Variants in PAX9 observed in about 807,000 individuals in gnomAD.
PAX9 encodes paired box protein Pax-9.
Under a neutral mutation model 29.1 loss-of-function variants are expected in PAX9, and 6 were observed. The observed-to-expected ratio is 0.21, with a 90% CI of 0.11 to 0.41. The LOEUF is 0.41. PAX9 is among the 10% of genes least tolerant of loss of function. The probability of loss-of-function intolerance (pLI) is 1.00; values close to 1 mark genes in which losing one functional copy is unlikely to be tolerated. For synonymous variants in PAX9, 217 were observed against 211.7 expected (o/e 1.03, Z -0.22); for missense variants, 443 against 479.1 (o/e 0.92, Z 0.70).
chr14:36,665,713 A>AT (rs936280310), intron 2 of PAX9, among the ~76,000 whole-genome samples: 4 of 152,012 alleles, frequency 2.6e-5, no homozygotes, highest in African/African-American at 9.7e-5. Flanking sequence ...TTGTATATAC[A>AT]TTTTTTAAAC....
upstream of PAX9, among the ~76,000 whole-genome samples, chr14:36,659,696 T>C (rs1881184359): frequency 6.6e-6 from 1 of 152,154 alleles, no homozygotes; most frequent in African/African-American, 2.4e-5. Flanking sequence ...TGAGGCCACA[T>C]GGTCACAGCC....
At chr14:36,666,638 G>A in intron 3 of PAX9, 37 bp downstream of exon 3, 1 of 1,553,070 alleles carries the variant, frequency 6.4e-7, no homozygotes. Flanking sequence ...GGGCCGCGTG[G>A]CGGCGGGGAT....
intron 3 of PAX9, 69 bp downstream of exon 3, chr14:36,666,670 G>T: frequency 6.5e-7 from 1 of 1,528,834 alleles, no homozygotes; most frequent in South Asian, 1.2e-5. Flanking sequence ...AACACTTTGT[G>T]ATGGGTCCCT....
In PAX9 at chr14:36,676,112, A is replaced by C. The variant is rs772311678; in HGVS notation, c.772-86A>C. The C allele has an allele frequency of 2.1e-6, 3 of 1,447,894 alleles. No individual in the cohort carries two copies. The Admixed American group carries it at 5.2e-5, about 25-fold the overall frequency. The allele number at this position is 1,447,894 out of a possible 1,614,324, so 89.7% of individuals were successfully genotyped here. A position where few individuals can be genotyped will look rare whatever the true frequency, so the allele number is the denominator to read the frequency against. ...GTCAGAGCATTGCTGGCTTACTCAG[A>C]CTTAAGTTCTGCTTCTTTCTAAGAA... On this transcript the variant is annotated intron_variant, in intron 3 of 3. Coordinates refer to ENST00000361487, the MANE Select transcript of PAX9 (RefSeq NM_001372076.1).
chr14:36,666,828 A>T (rs1055607493), intron 3 of PAX9, among the ~76,000 whole-genome samples: 1 of 152,180 alleles, frequency 6.6e-6, no homozygotes, highest in Non-Finnish European at 1.5e-5. Flanking sequence ...AGCGCTCGTC[A>T]GGGCGCTGGG....
chr14:36,676,732 C>A lies in PAX9; in HGVS notation c.*280C>A. On this transcript the variant is annotated 3_prime_UTR_variant, in exon 4 of 4. Coordinates refer to ENST00000361487, the MANE Select transcript of PAX9 (RefSeq NM_001372076.1). ...TTGCCCACATACTGTCTTAACATAA[C>A]AAAGAAACCTACACCCCTCAAAGGG... 2.1e-6 allele frequency: 1 copy of A among 477,376 alleles called. No homozygotes were observed. The highest frequency in any genetic ancestry group is 3.8e-6 in the Non-Finnish European group (1 of 260,490). The allele number at this position is 477,376 out of a possible 1,614,324, so 29.6% of individuals were successfully genotyped here.
chr14:36,669,964 A>C (rs1881644538), intron 3 of PAX9, among the ~76,000 whole-genome samples: 1 of 152,022 alleles, frequency 6.6e-6, no homozygotes, highest in South Asian at 2.1e-4. Flanking sequence ...CTGCTTCCTG[A>C]TGGCCGGTTC....
intron 3 of PAX9, among the ~76,000 whole-genome samples, chr14:36,674,690 T>C (rs1172035817): frequency 1.3e-5 from 2 of 152,232 alleles, no homozygotes; most frequent in South Asian, 2.1e-4. Context: ...ATATGTTGGA[T>C]ATTTCTTGGT....
Position 36,663,318 on chromosome 14 carries a change from A to T in PAX9, c.426A>T (p.Ser142=). The T allele has an allele frequency of 6.2e-7, 1 of 1,614,140 alleles. No homozygotes were observed. Among genetic ancestry groups the T allele is most frequent in the Non-Finnish European group, 8.5e-7 (1 of 1,180,032 alleles). ...TGGCCCAGCAGGGTCATTACGACTC[A>T]TACAAGCAGCACCAGCCGACGCCGC... ...GNLAQQGHYD[S]YKQHQPTPQP... Residue 142 remains serine (S), a synonymous_variant, in exon 2 of 4, where the codon TCA becomes TCT. Transcript: ENST00000361487.
In PAX9 at chr14:36,662,856, A is replaced by G. The variant is rs12883049; in HGVS notation, c.5-41A>G. On this transcript the variant is annotated intron_variant, in intron 1 of 3. Transcript: ENST00000361487. The stretch of plus-strand genomic sequence containing the variant: ...CCAGTGGCAGGCAGCTGTCCCAAGC[A>G]GCGGGTGCGCGTCCCTGCGCGCTGT... 0.24 allele frequency: 373,907 copies of G among 1,580,606 alleles called. 45,876 individuals are homozygous for G. The highest frequency in any genetic ancestry group is 0.27 in the East Asian group (12,107 of 44,230).
rs544392585 is a variant in PAX9, at chr14:36,662,668, C to T, written c.5-229C>T. ...CCCGGCATCTCACCACTTTACTTGG[C>T]CGTAGGGGCCTCCGGCACGGCAGGA... On this transcript the variant is annotated intron_variant, in intron 1 of 3. Transcript: ENST00000361487. 6.6e-4 allele frequency: 388 copies of T among 591,700 alleles called. 2 individuals are homozygous for T. Among genetic ancestry groups the T allele is most frequent in the South Asian group, 3.0e-3 (140 of 46,202 alleles). The allele number at this position is 591,700 out of a possible 1,614,324, so 36.7% of individuals were successfully genotyped here.
chr14:36,657,775 T>C (rs924703040), upstream of PAX9: 10 of 152,202 alleles, frequency 6.6e-5, no homozygotes, highest in East Asian at 1.6e-3. Flanking sequence ...GGCTCCTTGA[T>C]GAGAAGGTGG....
In PAX9 at chr14:36,678,835, T is replaced by A. The variant is rs186781523; in HGVS notation, c.*2383T>A. On this transcript the variant is annotated 3_prime_UTR_variant, in exon 4 of 4. Transcript: ENST00000361487. ...TCTAGGTCTTAACAGTGAATTCACATGGAGTAATTTTTAAAAGATATCAGA... is the reference window on the plus strand; with the variant it reads ...TCTAGGTCTTAACAGTGAATTCACAAGGAGTAATTTTTAAAAGATATCAGA... 10,837 of 981,648 alleles carry A rather than the reference T, an allele frequency of 0.011. 75 individuals are homozygous for A. The highest frequency in any genetic ancestry group is 0.012 in the Non-Finnish European group (10,134 of 819,400). 60.8% of individuals were successfully genotyped at this position (981,648 alleles called of 1,614,324 possible).
Position 36,678,103 on chromosome 14 carries a change from A to T in PAX9, c.*1651A>T, listed in dbSNP as rs1468160610. ...GCACCTCACTGGATATGGATGTTGA[A>T]GATGGATTCCCTAGGTGATTTTAAT... On this transcript the variant is annotated 3_prime_UTR_variant, in exon 4 of 4. Coordinates refer to ENST00000361487, the MANE Select transcript of PAX9 (RefSeq NM_001372076.1). 1.0e-5 allele frequency: 2 copies of T among 196,318 alleles called. No homozygotes were observed. Among genetic ancestry groups the T allele is most frequent in the Admixed American group, 1.1e-4 (2 of 17,522 alleles). 12.2% of individuals were successfully genotyped at this position (196,318 alleles called of 1,614,324 possible). A position where few individuals can be genotyped will look rare whatever the true frequency, so the allele number is the denominator to read the frequency against.
chr14:36,674,607 T>C (rs1290410152), intron 3 of PAX9, among the ~76,000 whole-genome samples: 1 of 152,246 alleles, frequency 6.6e-6, no homozygotes, highest in Non-Finnish European at 1.5e-5. Flanking sequence ...TGTGACACAC[T>C]ATCTTGTAAT....
intron 3 of PAX9, among the ~76,000 whole-genome samples, chr14:36,668,367 CA>C (rs71124775): frequency 0.55 from 83,355 of 151,634 alleles, 24,059 homozygotes; most frequent in East Asian, 0.75. Flanking sequence ...GTCATAATCC[CA>C]AAAAAAACCC....
chr14:36,663,640 C>T, intron 2 of PAX9, 117 bp downstream of exon 2: 1 of 1,351,344 alleles, frequency 7.4e-7, no homozygotes, highest in South Asian at 1.2e-5. Flanking sequence ...AGGCTTTTTC[C>T]TTTGGAAACG....
Position 36,673,161 on chromosome 14 carries a change from C to T in PAX9, c.772-3037C>T, listed in dbSNP as rs192222624. ...GATTACAGGCGTGAGCCACCGTGCC[C>T]GGCCGCCTTTTTCTATGAGATGAAA... is the stretch of plus-strand genomic sequence containing the variant. On this transcript the variant is annotated intron_variant, in intron 3 of 3. Coordinates refer to ENST00000361487, the MANE Select transcript of PAX9 (RefSeq NM_001372076.1). 1.9e-3 allele frequency among the ~76,000 whole-genome samples: 287 copies of T among 152,034 alleles called. 1 individual carries two copies. Among genetic ancestry groups the T allele is most frequent in the African/African-American group, 6.6e-3 (272 of 41,476 alleles).
intron 3 of PAX9, among the ~76,000 whole-genome samples, chr14:36,669,153 G>A (rs1881616614): frequency 6.6e-6 from 1 of 152,126 alleles, no homozygotes; most frequent in South Asian, 2.1e-4. Flanking sequence ...GCTTAATGTT[G>A]AAGATGTGCC....
Sources: gnomAD v4.1 joint callset for allele counts (sites outside exome capture counted in the v4.1 genomes callset) on GRCh38, gnomAD v4.1.1 for gene constraint, MANE v1.5 for transcripts, NCBI Gene and HGNC (gene_info 2026-07-23, HGNC 2026-07-21) for gene names.